Variants in ANKS1B observed in about 807,000 individuals in gnomAD.
ANKS1B encodes the protein ankyrin repeat and sterile alpha motif domain-containing protein 1B.
In ANKS1B, 36 loss-of-function variants were observed where a neutral mutation model predicts 148.3. The observed-to-expected ratio is 0.24, with a 90% CI of 0.19 to 0.32. The LOEUF (loss-of-function observed/expected upper bound fraction) is 0.32, where lower values mean the gene tolerates loss of function less well. Ranked by LOEUF, ANKS1B falls within the 10% of genes least tolerant of loss-of-function variation. ANKS1B has a pLI of 1.00. For missense variants in ANKS1B, 1,157 were observed against 1,542.6 expected, an observed-to-expected ratio of 0.75 and a Z score of 4.19; for synonymous variants, 542 against 560.8, an observed-to-expected ratio of 0.97 and a Z score of 0.47.
At chr12:98,857,748 T>C (rs1044572715) in intron 17 of ANKS1B, among the ~76,000 whole-genome samples, 1 of 152,168 alleles carries the variant, frequency 6.6e-6, no homozygotes, top group Non-Finnish European at 1.5e-5. Context: ...TCAGTAAATA[T>C]AATATTTCTA....
At chr12:99,101,498 C>T (rs190849793) in intron 15 of ANKS1B, among the ~76,000 whole-genome samples, 5 of 152,276 alleles carry the variant, frequency 3.3e-5, no homozygotes, top group Non-Finnish European at 5.9e-5. Context: ...GTTTGGGTAA[C>T]TGATGGTTAA....
intron 19 of ANKS1B, among the ~76,000 whole-genome samples, chr12:98,824,197 G>C (rs749554808): frequency 5.3e-5 from 8 of 152,174 alleles, no homozygotes; most frequent in Non-Finnish European, 8.8e-5. Context: ...TCCATTCTCT[G>C]CTTTCCCTGG....
At chr12:99,064,071 C>G (rs1018894898) in intron 16 of ANKS1B, among the ~76,000 whole-genome samples, 9 of 152,170 alleles carry the variant, frequency 5.9e-5, no homozygotes, top group Non-Finnish European at 1.3e-4. Context: ...ACTGACTGAG[C>G]CTTACTGATT....
intron 14 of ANKS1B, among the ~76,000 whole-genome samples, chr12:99,233,466 T>C (rs2087249321): frequency 1.3e-5 from 2 of 152,138 alleles, no homozygotes; most frequent in Non-Finnish European, 2.9e-5. Context: ...ATGTAGAATA[T>C]ATTATCACAT....
intron 17 of ANKS1B, among the ~76,000 whole-genome samples, chr12:99,037,744 G>A (rs1394314196): frequency 1.3e-5 from 2 of 152,168 alleles, no homozygotes; most frequent in African/African-American, 4.8e-5. Context: ...TCAGGTCAGT[G>A]TGAAAAAGCT....
At chr12:99,491,635 G>T (rs888857446) in intron 10 of ANKS1B, among the ~76,000 whole-genome samples, 1 of 151,970 alleles carries the variant, frequency 6.6e-6, no homozygotes, top group Admixed American at 6.6e-5. Context: ...TCACTTAAAT[G>T]ATGATGAGCA....
chr12:99,696,804 T>C (rs1423332222), intron 8 of ANKS1B, among the ~76,000 whole-genome samples: 1 of 152,186 alleles, frequency 6.6e-6, no homozygotes, highest in East Asian at 1.9e-4. Flanking sequence ...GCCACAGACT[T>C]GGAGAAGATC....
intron 8 of ANKS1B, among the ~76,000 whole-genome samples, chr12:99,718,058 C>T (rs548232206): frequency 1.3e-5 from 2 of 151,566 alleles, no homozygotes; most frequent in East Asian, 1.9e-4. Flanking sequence ...CGCCCGCTAC[C>T]ACGCCCGGCT....
intron 1 of ANKS1B, among the ~76,000 whole-genome samples, chr12:99,960,021 C>G (rs1482108033): frequency 6.6e-6 from 1 of 152,140 alleles, no homozygotes; most frequent in Non-Finnish European, 1.5e-5. Flanking sequence ...TGTCCACCAA[C>G]TGTCATATCT....
chr12:98,755,980 T>A (rs949219479), intron 25 of ANKS1B, among the ~76,000 whole-genome samples: 2 of 152,158 alleles, frequency 1.3e-5, no homozygotes, highest in African/African-American at 4.8e-5. Context: ...ATTTGTGAGG[T>A]TGAATCATGA....
chr12:98,918,559 A>G (rs186042671), intron 17 of ANKS1B, among the ~76,000 whole-genome samples: 5 of 152,326 alleles, frequency 3.3e-5, no homozygotes, highest in Admixed American at 2.0e-4. Context: ...ATCATTGCAC[A>G]TCAGTATTTG....
intron 17 of ANKS1B, among the ~76,000 whole-genome samples, chr12:98,837,794 A>G (rs1339733010): frequency 1.3e-5 from 2 of 152,196 alleles, no homozygotes; most frequent in Non-Finnish European, 2.9e-5. Flanking sequence ...ACATGTTTAA[A>G]TTTATATCAC....
intron 8 of ANKS1B, 54 bp downstream of exon 8, chr12:99,772,868 C>A (rs2063329887): frequency 6.5e-7 from 1 of 1,543,740 alleles, no homozygotes; most frequent in South Asian, 1.3e-5. Flanking sequence ...TAAGTGTACA[C>A]ACTGAACTGG....
chr12:99,928,271 A>ATTTTTTTTTTTTTTT (rs763106581), intron 1 of ANKS1B, among the ~76,000 whole-genome samples: 2 of 99,064 alleles, frequency 2.0e-5, no homozygotes, highest in African/African-American at 4.1e-5. Flanking sequence ...ATTTTATTTT[A>ATTTTTTTTTTTTTTT]TTTTTTTTTT....
intron 8 of ANKS1B, among the ~76,000 whole-genome samples, chr12:99,745,542 A>C (rs2060513702): frequency 6.6e-6 from 1 of 152,196 alleles, no homozygotes; most frequent in Admixed American, 6.5e-5. Context: ...AAACAACTAC[A>C]AACAGCAGCC....
At chr12:99,911,701 A>G (rs764311585) in intron 1 of ANKS1B, among the ~76,000 whole-genome samples, 15 of 152,194 alleles carry the variant, frequency 9.9e-5, no homozygotes, top group Non-Finnish European at 1.8e-4. Context: ...AAAAAACCCA[A>G]CGTACTCATC....
In ANKS1B at chr12:99,740,321, CAAAAACA is replaced by C. The variant is rs113351637; in HGVS notation, c.1128+32594_1128+32600del. Among the ~76,000 whole-genome samples, 602 of 150,274 alleles carry C rather than the reference CAAAAACA, an allele frequency of 4.0e-3. 6 individuals are homozygous for C. Among genetic ancestry groups the C allele is most frequent in the African/African-American group, 0.014 (574 of 40,764 alleles). On this transcript the variant is annotated intron_variant, in intron 8 of 26. Coordinates refer to ENST00000683438, the MANE Select transcript of ANKS1B (RefSeq NM_001352186.2). ...GGAGACCGTGTCTCAAAAACAAAAACAAAAACAAAAAACAAAAAACAAAAAAACTAGT... is the reference window on the plus strand; with the variant it reads ...GGAGACCGTGTCTCAAAAACAAAAACAAAAACAAAAAACAAAAAAACTAGT...
At chr12:99,211,846 G>A (rs754052160) in intron 14 of ANKS1B, among the ~76,000 whole-genome samples, 1 of 152,100 alleles carries the variant, frequency 6.6e-6, no homozygotes, top group African/African-American at 2.4e-5. Flanking sequence ...CTTTTCCTGG[G>A]GGATTAGCAA....
intron 14 of ANKS1B, among the ~76,000 whole-genome samples, chr12:99,170,542 A>G (rs2077643413): frequency 6.6e-6 from 1 of 152,164 alleles, no homozygotes; most frequent in African/African-American, 2.4e-5. Context: ...GTAGGGATAT[A>G]TTGTTATCTT....
Sources: gnomAD v4.1 joint callset for allele counts (sites outside exome capture counted in the v4.1 genomes callset) on GRCh38, gnomAD v4.1.1 for gene constraint, MANE v1.5 for transcripts, NCBI Gene and HGNC (gene_info 2026-07-23, HGNC 2026-07-21) for gene names.